The following RHOT1 variants were observed in gnomAD, a reference collection of about 807,000 sequenced individuals.
The protein encoded by RHOT1 is mitochondrial Rho GTPase 1.
In RHOT1, 27 loss-of-function variants were observed where a neutral mutation model predicts 95.3. That is an observed-to-expected ratio of 0.28 (90% confidence interval 0.21 to 0.39). The LOEUF is 0.39. RHOT1 is among the 10% of genes least tolerant of loss of function. The pLI is 1.00. For missense variants in RHOT1, 578 were observed against 786.7 expected, an observed-to-expected ratio of 0.73 and a Z score of 3.17; for synonymous variants, 227 against 263.5, an observed-to-expected ratio of 0.86 and a Z score of 1.34.
At chr17:32,164,512 G>T (rs567179215) in intron 1 of RHOT1, among the ~76,000 whole-genome samples, 1 of 151,956 alleles carries the variant, frequency 6.6e-6, no homozygotes, top group Non-Finnish European at 1.5e-5. Context: ...AATTACAGGC[G>T]TGAGCCACCG....
intron 8 of RHOT1, among the ~76,000 whole-genome samples, chr17:32,188,164 A>G (rs1177129347): frequency 6.6e-6 from 1 of 152,244 alleles, no homozygotes; most frequent in Non-Finnish European, 1.5e-5. Context: ...AGGACCTTTT[A>G]TTTATATTCA....
At position 32,167,035 on chromosome 17, in the gene RHOT1, C is replaced by T. The variant is rs142844492; in HGVS notation, c.38-4008C>T. Among the ~76,000 whole-genome samples, 232 of 152,266 alleles carry T rather than the reference C, an allele frequency of 1.5e-3. 1 individual carries two copies. The highest frequency in any genetic ancestry group is 5.3e-3 in the African/African-American group (220 of 41,542). On this transcript the variant is annotated intron_variant, in intron 1 of 19. Coordinates refer to ENST00000545287, the MANE Select transcript of RHOT1 (RefSeq NM_001033566.3). ...AGGCTTACACAATGTAAATAGTAAG[C>T]CTAAATAATAAGGCTTGAAAGTTAT...
At chr17:32,177,526 C>T (rs1308690089) in intron 6 of RHOT1, among the ~76,000 whole-genome samples, 2 of 152,064 alleles carry the variant, frequency 1.3e-5, no homozygotes, top group African/African-American at 4.8e-5. Context: ...GAGGCCGAGG[C>T]AGGCGGATCA....
At chr17:32,208,476 C>T in intron 18 of RHOT1, 167 bp downstream of exon 18, 1 of 647,568 alleles carries the variant, frequency 1.5e-6, no homozygotes. Context: ...GTTTGAATGC[C>T]ATAATAAAAT....
rs1345954467 is a variant in RHOT1 at position 32,196,486 on chromosome 17, C to G, written c.869+2379C>G. On this transcript the variant is annotated intron_variant, in intron 11 of 19. Coordinates refer to ENST00000545287, the MANE Select transcript of RHOT1 (RefSeq NM_001033566.3). ...GGATTACAAGCATTAGCCACCACACCTGGTCTAAAATCCAAGCTTCTTAAC... is the reference window on the plus strand; with the variant it reads ...GGATTACAAGCATTAGCCACCACACGTGGTCTAAAATCCAAGCTTCTTAAC... Among the ~76,000 whole-genome samples, 9 of 152,268 alleles carry G rather than the reference C, an allele frequency of 5.9e-5. No individual in the cohort carries two copies. In the East Asian group the frequency reaches 1.7e-3, roughly 29 times the overall value.
At chr17:32,183,834 C>T (rs2035826965) in intron 8 of RHOT1, among the ~76,000 whole-genome samples, 1 of 152,064 alleles carries the variant, frequency 6.6e-6, no homozygotes, top group Non-Finnish European at 1.5e-5. Flanking sequence ...CACAGGCATG[C>T]GCCACCATGC....
chr17:32,216,374 G>A (rs771196125), intron 19 of RHOT1, among the ~76,000 whole-genome samples: 2 of 151,888 alleles, frequency 1.3e-5, no homozygotes, highest in Non-Finnish European at 2.9e-5. Flanking sequence ...GATTTCCTTT[G>A]TGCATATTTT....
intron 1 of RHOT1, among the ~76,000 whole-genome samples, chr17:32,149,444 T>A (rs2031876126): frequency 6.6e-6 from 1 of 150,398 alleles, no homozygotes; most frequent in Non-Finnish European, 1.5e-5. Flanking sequence ...GATACCTTTT[T>A]GATTGTAAGC....
chr17:32,197,618 C>T (rs960999012), intron 11 of RHOT1, among the ~76,000 whole-genome samples: 9 of 151,838 alleles, frequency 5.9e-5, no homozygotes, highest in African/African-American at 9.7e-5. Context: ...TTAGTAGAGA[C>T]GGGGTTTCAC....
intron 8 of RHOT1, 37 bp from the exon 9 acceptor site, chr17:32,192,164 A>G: frequency 1.0e-6 from 1 of 969,028 alleles, no homozygotes; most frequent in Non-Finnish European, 1.6e-6. Context: ...TGAAAATCAC[A>G]GTTTAAACAA....
chr17:32,223,611 C>T (rs1057132253), intron 19 of RHOT1, among the ~76,000 whole-genome samples: 1 of 151,842 alleles, frequency 6.6e-6, no homozygotes, highest in Middle Eastern at 3.2e-3. Flanking sequence ...GACGGGGTTT[C>T]ACCATGTTGG....
chr17:32,214,490 A>G (rs753256341), intron 19 of RHOT1, among the ~76,000 whole-genome samples: 3 of 152,344 alleles, frequency 2.0e-5, no homozygotes, highest in Non-Finnish European at 4.4e-5. Flanking sequence ...GTCTTAAGGT[A>G]TGGCCTAGTC....
At chr17:32,151,037 G>T in intron 1 of RHOT1, 1 of 1,438,208 alleles carries the variant, frequency 7.0e-7, no homozygotes, top group Non-Finnish European at 9.6e-7. Context: ...GAAGAGGGGA[G>T]ATTGTGGTCT....
intron 1 of RHOT1, among the ~76,000 whole-genome samples, chr17:32,166,030 C>T (rs1383796625): frequency 6.6e-6 from 1 of 151,140 alleles, no homozygotes. Context: ...ACTAAAAATA[C>T]AAAAAAATGT....
chr17:32,171,147 A>C (rs2034537497), intron 2 of RHOT1, 46 bp downstream of exon 2: 14 of 1,278,798 alleles, frequency 1.1e-5, no homozygotes, highest in Non-Finnish European at 1.5e-5. Context: ...AATTTATCAA[A>C]ATCAAATTAA....
chr17:32,154,908 A>T (rs79802795), intron 1 of RHOT1, among the ~76,000 whole-genome samples: 1 of 150,948 alleles, frequency 6.6e-6, no homozygotes, highest in East Asian at 2.0e-4. Context: ...AAAAAAAAAA[A>T]TTAGCTGAGT....
At chr17:32,158,595 G>T (rs1042817161) in intron 1 of RHOT1, among the ~76,000 whole-genome samples, 1 of 151,978 alleles carries the variant, frequency 6.6e-6, no homozygotes, top group Non-Finnish European at 1.5e-5. Flanking sequence ...TAGTAGCTAG[G>T]ACTACAAGCA....
chr17:32,158,868 A>T (rs755697504), intron 1 of RHOT1, among the ~76,000 whole-genome samples: 2 of 152,202 alleles, frequency 1.3e-5, no homozygotes, highest in Non-Finnish European at 2.9e-5. Flanking sequence ...AATTCAATTC[A>T]ATTCTAATGA....
At chr17:32,195,874 C>T (rs1010627918) in intron 11 of RHOT1, among the ~76,000 whole-genome samples, 16 of 152,196 alleles carry the variant, frequency 1.1e-4, no homozygotes, top group African/African-American at 3.9e-4. Context: ...GTTTTCTTTT[C>T]TGTGTCATTT....
Sources: gnomAD v4.1 joint callset for allele counts (sites outside exome capture counted in the v4.1 genomes callset) on GRCh38, gnomAD v4.1.1 for gene constraint, MANE v1.5 for transcripts, NCBI Gene and HGNC (gene_info 2026-07-23, HGNC 2026-07-21) for gene names.